The following PAK5 variants were observed in gnomAD, a reference collection of about 807,000 sequenced individuals.
PAK5 encodes serine/threonine-protein kinase PAK 5.
PAK5 carries 16 observed loss-of-function variants against 65.9 expected under a neutral mutation model. That is an observed-to-expected ratio of 0.24 (90% CI 0.16 to 0.37). PAK5 has a LOEUF of 0.37. PAK5 is among the 10% of genes least tolerant of loss of function. The pLI is 1.00. For missense variants in PAK5, 785 were observed against 903.9 expected, an observed-to-expected ratio of 0.87 and a Z score of 1.69; for synonymous variants, 371 against 354.9, an observed-to-expected ratio of 1.05 and a Z score of -0.51.
intron 8 of PAK5, among the ~76,000 whole-genome samples, chr20:9,543,705 T>C (rs536957028): frequency 1.3e-5 from 2 of 152,286 alleles, no homozygotes; most frequent in African/African-American, 4.8e-5. Context: ...CATCTGTATG[T>C]AGCCTTATGT....
intron 1 of PAK5, among the ~76,000 whole-genome samples, chr20:9,774,687 A>G (rs183309899): frequency 7.2e-5 from 11 of 152,116 alleles, no homozygotes; most frequent in African/African-American, 2.4e-4. Context: ...AGAACTACTC[A>G]CTAGAGGAGC....
rs930677401 is a variant in PAK5 at position 9,538,226 on chromosome 20, A to C, written c.*1236T>G. 3 of 233,536 alleles carry C rather than the reference A, an allele frequency of 1.3e-5. No homozygotes were observed. Among genetic ancestry groups the C allele is most frequent in the African/African-American group, 2.2e-5 (1 of 45,352 alleles). The allele number at this position is 233,536 out of a possible 1,614,324, so 14.5% of individuals were successfully genotyped here. On this transcript the variant is annotated 3_prime_UTR_variant, in exon 10 of 10. Coordinates refer to ENST00000353224, the MANE Select transcript of PAK5 (RefSeq NM_177990.4). ...ATCTAGACAGCAGCACGACTCTCCT[A>C]TGTCGGAAACACATTATAACATGGG...
chr20:9,541,105 G>A (rs1273487040), intron 9 of PAK5, among the ~76,000 whole-genome samples: 2 of 152,054 alleles, frequency 1.3e-5, no homozygotes, highest in Non-Finnish European at 2.9e-5. Context: ...TTATGTTTTT[G>A]TAGGTCCACA....
intron 2 of PAK5, among the ~76,000 whole-genome samples, chr20:9,674,857 C>T (rs578004621): frequency 2.6e-4 from 40 of 152,262 alleles, no homozygotes; most frequent in African/African-American, 8.9e-4. Context: ...ATGTTTGTAA[C>T]CCATGTCAGT....
chr20:9,719,527 CT>C (rs141529075), intron 1 of PAK5, among the ~76,000 whole-genome samples: 2,709 of 152,018 alleles, frequency 0.018, 93 homozygotes, highest in African/African-American at 0.062. Flanking sequence ...CACATTACTG[CT>C]TTTTTTTCCC....
intron 2 of PAK5, among the ~76,000 whole-genome samples, chr20:9,677,567 G>A (rs561593302): frequency 6.6e-6 from 1 of 152,192 alleles, no homozygotes; most frequent in Admixed American, 6.5e-5. Flanking sequence ...TTTACTTGTA[G>A]ATAAAAGTCT....
At chr20:9,653,736 A>G (rs1211520788) in intron 2 of PAK5, among the ~76,000 whole-genome samples, 1 of 152,162 alleles carries the variant, frequency 6.6e-6, no homozygotes, top group Non-Finnish European at 1.5e-5. Flanking sequence ...AGATAATGCA[A>G]TGTATTTTCT....
intron 1 of PAK5, among the ~76,000 whole-genome samples, chr20:9,788,371 A>G (rs947814939): frequency 1.3e-5 from 2 of 152,030 alleles, no homozygotes; most frequent in African/African-American, 4.8e-5. Context: ...TACTCAAGTC[A>G]TTACAGATCC....
chr20:9,575,467 G>C (rs1212026329), intron 4 of PAK5: 1 of 152,192 alleles, frequency 6.6e-6, no homozygotes, highest in East Asian at 1.9e-4. Context: ...GCATTTTTCT[G>C]TAATGGGTGA....
At chr20:9,809,226 T>C (rs2049268582) in intron 1 of PAK5, among the ~76,000 whole-genome samples, 1 of 152,022 alleles carries the variant, frequency 6.6e-6, no homozygotes, top group Non-Finnish European at 1.5e-5. Flanking sequence ...TCTCAGGGCC[T>C]CACACCAGAT....
At chr20:9,573,960 T>C (rs1386326270) in intron 4 of PAK5, among the ~76,000 whole-genome samples, 2 of 152,172 alleles carry the variant, frequency 1.3e-5, no homozygotes, top group Admixed American at 1.3e-4. Context: ...TTACTCTCCA[T>C]AAATCAAATG....
At chr20:9,797,717 G>A (rs924028318) in intron 1 of PAK5, among the ~76,000 whole-genome samples, 3 of 148,918 alleles carry the variant, frequency 2.0e-5, no homozygotes, top group African/African-American at 5.2e-5. Flanking sequence ...TAAAATGGGA[G>A]AAGGAGAGGA....
intron 3 of PAK5, among the ~76,000 whole-genome samples, chr20:9,643,682 A>G (rs2047097228): frequency 6.6e-6 from 1 of 152,188 alleles, no homozygotes; most frequent in South Asian, 2.1e-4. Context: ...ATTTATCAAT[A>G]CCATTATTAA....
chr20:9,808,686 T>G (rs1263259538), intron 1 of PAK5, among the ~76,000 whole-genome samples: 1 of 152,088 alleles, frequency 6.6e-6, no homozygotes, highest in Non-Finnish European at 1.5e-5. Flanking sequence ...ATTCATAGAG[T>G]TAGAAAGTAA....
chr20:9,691,223 G>A (rs1053576548), intron 2 of PAK5, among the ~76,000 whole-genome samples: 5 of 152,134 alleles, frequency 3.3e-5, no homozygotes, highest in African/African-American at 4.8e-5. Flanking sequence ...TGTTTCAAAC[G>A]CAGGGGTCCC....
At chr20:9,672,552 C>T (rs898492345) in intron 2 of PAK5, among the ~76,000 whole-genome samples, 3 of 151,872 alleles carry the variant, frequency 2.0e-5, no homozygotes, top group Non-Finnish European at 4.4e-5. Context: ...GCTCTCCTGC[C>T]TGCTGCCATG....
chr20:9,596,528 C>T (rs974601854), intron 3 of PAK5, among the ~76,000 whole-genome samples: 5 of 146,754 alleles, frequency 3.4e-5, no homozygotes, highest in East Asian at 2.1e-4. Context: ...CCCAGCTACT[C>T]GGGAGGCTGA....
intron 1 of PAK5, among the ~76,000 whole-genome samples, chr20:9,831,419 T>C (rs1978705783): frequency 6.6e-6 from 1 of 152,270 alleles, no homozygotes; most frequent in Non-Finnish European, 1.5e-5. Flanking sequence ...GTTTGTTACA[T>C]AAATGAATAA....
intron 7 of PAK5, among the ~76,000 whole-genome samples, chr20:9,555,901 C>T (rs564933010): frequency 6.6e-6 from 1 of 152,284 alleles, no homozygotes; most frequent in East Asian, 1.9e-4. Context: ...GGCCCTGTTA[C>T]CTGCACTGTC....
Sources: gnomAD v4.1 joint callset for allele counts (sites outside exome capture counted in the v4.1 genomes callset) on GRCh38, gnomAD v4.1.1 for gene constraint, MANE v1.5 for transcripts, NCBI Gene and HGNC (gene_info 2026-07-23, HGNC 2026-07-21) for gene names.